Variants in USP37 observed in about 807,000 individuals in gnomAD.
USP37 encodes ubiquitin carboxyl-terminal hydrolase 37.
In USP37, 27 loss-of-function variants were observed where a neutral mutation model predicts 124.0. The observed-to-expected ratio is 0.22, with a 90% CI of 0.16 to 0.30. The LOEUF (loss-of-function observed/expected upper bound fraction) is 0.30. Ranked by LOEUF, USP37 falls within the 10% of genes least tolerant of loss-of-function variation. The pLI is 1.00. For missense variants in USP37, 889 were observed against 1,140.4 expected (o/e 0.78, Z 3.17); for synonymous variants, 365 against 388.0 (o/e 0.94, Z 0.70).
At chr2:218,516,836 A>C (rs1427171126) in intron 10 of USP37, among the ~76,000 whole-genome samples, 2 of 152,232 alleles carry the variant, frequency 1.3e-5, no homozygotes, top group African/African-American at 4.8e-5. Flanking sequence ...AAGACATACA[A>C]ATGCATGTAT....
In USP37 at chr2:218,463,262, G is replaced by A. The variant is rs1396005691; in HGVS notation, c.2527+44C>T. Reference sequence around the variant, plus strand: ...TTATATGTTCTTCTATGTGTGAATGGTAATTTTACCATTAAAAAAATGTAA... The same window carrying A: ...TTATATGTTCTTCTATGTGTGAATGATAATTTTACCATTAAAAAAATGTAA... On this transcript the variant is annotated intron_variant, in intron 22 of 25. Coordinates refer to ENST00000258399, the MANE Select transcript of USP37 (RefSeq NM_020935.3). 7 of 1,521,396 alleles carry A rather than the reference G, an allele frequency of 4.6e-6. No homozygotes were observed. In the East Asian group the frequency reaches 1.6e-4, roughly 36 times the overall value. The allele number at this position is 1,521,396 out of a possible 1,614,324, so 94.2% of individuals were successfully genotyped here. A position where few individuals can be genotyped will look rare whatever the true frequency, so the allele number is the denominator to read the frequency against.
At chr2:218,465,866 C>A (rs779762895) in intron 21 of USP37, 144 bp downstream of exon 21, 14 of 1,106,928 alleles carry the variant, frequency 1.3e-5, no homozygotes, top group Non-Finnish European at 1.7e-5. Flanking sequence ...TCAAACAAGT[C>A]TTTTTTTTCC....
chr2:218,460,769 C>T (rs1255676356), intron 22 of USP37, among the ~76,000 whole-genome samples: 4 of 151,976 alleles, frequency 2.6e-5, no homozygotes, highest in African/African-American at 9.7e-5. Flanking sequence ...GGTAAAACTC[C>T]TTCTCTACTA....
At chr2:218,552,623 AG>A (rs1254210150) in intron 5 of USP37, among the ~76,000 whole-genome samples, 1 of 148,368 alleles carries the variant, frequency 6.7e-6, no homozygotes, top group African/African-American at 2.5e-5. Flanking sequence ...AGAAAAGAAA[AG>A]AAAAAGTGCC....
rs1055687 is a variant in USP37, at chr2:218,547,022, C to A, written c.499G>T (p.Gly167Cys). 6.2e-7 allele frequency: 1 copy of A among 1,612,614 alleles called. No homozygotes were observed. The highest frequency in any genetic ancestry group is 1.3e-5 in the African/African-American group (1 of 74,828). ...GCTACAGTCTTAATCGATCCTCTAC[C>A]CGGATTACCAAGAACTTTTCGAAAT... ...IPFRKVLGNP[G>C]RGSIKTVAGS... The change falls in exon 7 of 26, where the codon GGT becomes TGT. Residue 167 changes from glycine (G) to cysteine (C), a missense_variant. This residue lies in a region of USP37 where 374 missense variants were observed against 386.0 expected (regional missense o/e 0.97). Coordinates refer to ENST00000258399, the MANE Select transcript of USP37 (RefSeq NM_020935.3).
In USP37 at chr2:218,539,174, G is replaced by C. The variant is rs997931579; in HGVS notation, c.681-4468C>G. 6.6e-5 allele frequency among the ~76,000 whole-genome samples: 10 copies of C among 151,902 alleles called. No homozygotes were observed. In the East Asian group the frequency reaches 1.4e-3, roughly 21 times the overall value. On this transcript the variant is annotated intron_variant, in intron 8 of 25. Coordinates refer to ENST00000258399, the MANE Select transcript of USP37 (RefSeq NM_020935.3). Reference sequence around the variant, plus strand: ...AGATCTTGCTATGTTGCCCAGGCTGGTCTTGAACTCCAGGACTCAAGCCAT... The same window carrying C: ...AGATCTTGCTATGTTGCCCAGGCTGCTCTTGAACTCCAGGACTCAAGCCAT...
rs960795251 is a variant in USP37 at position 218,454,766 on chromosome 2, T to A, written c.*164A>T. 5.8e-6 allele frequency: 8 copies of A among 1,385,986 alleles called. No homozygotes were observed. The Admixed American group carries it at 1.8e-4, about 31-fold the overall frequency. 85.9% of individuals were successfully genotyped at this position (1,385,986 alleles called of 1,614,324 possible). On this transcript the variant is annotated 3_prime_UTR_variant, in exon 26 of 26. Transcript: ENST00000258399. Reference sequence around the variant, plus strand: ...AGACCAAAGTTTCCATAAAATAGCATGGAGCATTCTACGTTACTCCAATTT... The same window carrying A: ...AGACCAAAGTTTCCATAAAATAGCAAGGAGCATTCTACGTTACTCCAATTT...
At chr2:218,475,834 G>A (rs1293010998) in intron 19 of USP37, among the ~76,000 whole-genome samples, 1 of 151,886 alleles carries the variant, frequency 6.6e-6, no homozygotes, top group Non-Finnish European at 1.5e-5. Flanking sequence ...GCTGAGGCAG[G>A]AGAATCACTT....
At chr2:218,474,065 C>T (rs541868715) in intron 20 of USP37, among the ~76,000 whole-genome samples, 1 of 152,170 alleles carries the variant, frequency 6.6e-6, no homozygotes, top group South Asian at 2.1e-4. Flanking sequence ...GAATGGAGAA[C>T]TTGAATTATT....
At chr2:218,496,751 C>T (rs369175950) in intron 13 of USP37, among the ~76,000 whole-genome samples, 4 of 151,782 alleles carry the variant, frequency 2.6e-5, no homozygotes, top group East Asian at 2.0e-4. Flanking sequence ...AGGGTTCAAC[C>T]GATTATCCTG....
chr2:218,513,689 C>T (rs1690122529), intron 10 of USP37, among the ~76,000 whole-genome samples: 1 of 152,180 alleles, frequency 6.6e-6, no homozygotes, highest in African/African-American at 2.4e-5. Context: ...TTTACTCAGC[C>T]TAATTATTTT....
At position 218,558,532 on chromosome 2, in the gene USP37, T is replaced by C. The variant is rs200044339; in HGVS notation, c.122A>G (p.His41Arg). Residue 41 changes from histidine (H) to arginine (R), a missense_variant, in exon 4 of 26, where the codon CAC (histidine) becomes CGC (arginine). His to Arg is a conservative substitution (Grantham distance 29). Around this residue, in one of 3 missense-constraint regions of USP37, gnomAD observed 374 missense variants for 386.0 expected, o/e 0.97. Coordinates refer to ENST00000258399, the MANE Select transcript of USP37 (RefSeq NM_020935.3). ...EKENKVSLVV[H>R]YNTGGIPRIF... ...CCTTGGAATTCCTCCAGTATTGTAG[T>C]GAACTACTAGGCTGACTTTATTCTC... is the stretch of plus-strand genomic sequence containing the variant. 59 of 1,613,166 alleles carry C rather than the reference T, an allele frequency of 3.7e-5. No individual in the cohort carries two copies. The East Asian group carries it at 5.8e-4, about 16-fold the overall frequency.
In USP37 at chr2:218,562,820, A is replaced by C. The variant is rs1266734104; in HGVS notation, c.-229-7T>G. ...CCGGAAGCCATCAACTCAGCTAAAG[A>C]AAATAAAAATGTGCTTTTTAAAAAG... On this transcript the variant is annotated splice_region_variant and splice_polypyrimidine_tract_variant and intron_variant, in intron 1 of 25. Coordinates refer to ENST00000258399, the MANE Select transcript of USP37 (RefSeq NM_020935.3). The C allele has an allele frequency of 2.5e-6, 1 of 398,330 alleles. No individual in the cohort carries two copies. The highest frequency in any genetic ancestry group is 4.4e-6 in the Non-Finnish European group (1 of 225,984). 24.7% of individuals were successfully genotyped at this position (398,330 alleles called of 1,614,324 possible). A position where few individuals can be genotyped will look rare whatever the true frequency, so the allele number is the denominator to read the frequency against.
chr2:218,517,764 A>G (rs1263674475), intron 10 of USP37, among the ~76,000 whole-genome samples: 4 of 152,162 alleles, frequency 2.6e-5, no homozygotes, highest in African/African-American at 9.7e-5. Flanking sequence ...CACTTTTGGA[A>G]AATTCTCAGC....
rs147663444 is a variant in USP37, at chr2:218,523,299, G to T, written c.863+6657C>A. ...AAAGAATTTCAGATTTTGAAATATTGTATTTGTATTACGCTGGTTGATCAT... is the reference window on the plus strand; with the variant it reads ...AAAGAATTTCAGATTTTGAAATATTTTATTTGTATTACGCTGGTTGATCAT... On this transcript the variant is annotated intron_variant, in intron 10 of 25. Coordinates refer to ENST00000258399, the MANE Select transcript of USP37 (RefSeq NM_020935.3). 4.9e-4 allele frequency among the ~76,000 whole-genome samples: 75 copies of T among 151,958 alleles called. 1 individual carries two copies. The East Asian group carries it at 0.011, about 23-fold the overall frequency.
intron 20 of USP37, 39 bp downstream of exon 20, chr2:218,474,591 T>G: frequency 4.4e-6 from 7 of 1,600,910 alleles, no homozygotes; most frequent in Non-Finnish European, 6.0e-6. Flanking sequence ...GAAAGAGTTA[T>G]GTTTTGTTTC....
chr2:218,525,309 C>T (rs1192463111), intron 10 of USP37, among the ~76,000 whole-genome samples: 4 of 152,018 alleles, frequency 2.6e-5, no homozygotes, highest in Admixed American at 6.6e-5. Context: ...GGTGAAACTC[C>T]GTGTCTACGA....
In USP37 at chr2:218,463,337, GTCA is replaced by G. The variant is rs1559162334; in HGVS notation, c.2493_2495del (p.Asp832del). 1.9e-6 allele frequency: 3 copies of G among 1,613,886 alleles called. No individual in the cohort carries two copies. Among genetic ancestry groups the G allele is most frequent in the Non-Finnish European group, 1.7e-6 (2 of 1,179,950 alleles). On this transcript the variant is annotated inframe_deletion, in exon 22 of 26. Coordinates refer to ENST00000258399, the MANE Select transcript of USP37 (RefSeq NM_020935.3). ...GACTTAACTCGGTAGCTCTTTTGAGGTCATCATCTTCTTTCTGTTCCCAAGCCT... is the reference window on the plus strand; with the variant it reads ...GACTTAACTCGGTAGCTCTTTTGAGGTCATCTTCTTTCTGTTCCCAAGCCT...
At chr2:218,554,121 C>T (rs1377782794) in intron 4 of USP37, among the ~76,000 whole-genome samples, 1 of 152,124 alleles carries the variant, frequency 6.6e-6, no homozygotes, top group African/African-American at 2.4e-5. Flanking sequence ...GGCAGCACTG[C>T]TACCCCTTCA....
Sources: allele counts gnomAD v4.1 joint callset (sites outside exome capture counted in the v4.1 genomes callset), GRCh38; gene constraint gnomAD v4.1.1; regional missense constraint gnomAD v4.1.1; transcripts MANE v1.5; gene names NCBI Gene and HGNC (gene_info 2026-07-23, HGNC 2026-07-21).